RSRC1: variants seen among roughly 807,000 people sequenced by gnomAD.
RSRC1 encodes arginine and serine rich coiled-coil 1.
RSRC1 carries 39 observed loss-of-function variants against 49.1 expected under a neutral mutation model. The ratio of observed to expected loss-of-function variants is 0.79; its 90% CI spans 0.61 to 1.04. The LOEUF (loss-of-function observed/expected upper bound fraction) is 1.04. Among genes scored for constraint, RSRC1 ranks in the 50% least tolerant of loss-of-function variants. RSRC1 has a pLI of 0.00. For missense variants in RSRC1, 388 were observed against 402.4 expected (o/e 0.96, Z 0.31); for synonymous variants, 143 against 130.8 (o/e 1.09, Z -0.63).
intron 5 of RSRC1, among the ~76,000 whole-genome samples, chr3:158,342,732 G>T (rs1243168512): frequency 6.6e-6 from 1 of 152,104 alleles, no homozygotes; most frequent in East Asian, 1.9e-4. Context: ...GGAATAACAA[G>T]AATCAGATTT....
chr3:158,398,801 C>G (rs1733739774), intron 6 of RSRC1, among the ~76,000 whole-genome samples: 3 of 152,034 alleles, frequency 2.0e-5, no homozygotes, highest in Non-Finnish European at 2.9e-5. Flanking sequence ...ACACTGTATC[C>G]TAATCACCTA....
At chr3:158,161,754 C>A (rs1023555094) in intron 3 of RSRC1, among the ~76,000 whole-genome samples, 1 of 152,010 alleles carries the variant, frequency 6.6e-6, no homozygotes, top group African/African-American at 2.4e-5. Flanking sequence ...AAAGTGAGAC[C>A]ATGTCTCAAA....
rs555986806 is a variant in RSRC1, at chr3:158,503,123, C to A, written c.653-33969C>A. Among the ~76,000 whole-genome samples the A allele has an allele frequency of 3.9e-5, 6 of 152,272 alleles. No homozygotes were observed. The South Asian group carries it at 1.2e-3, about 32-fold the overall frequency. The stretch of plus-strand genomic sequence containing the variant: ...CCCCCTTTTTCTATGGACGTGGCTT[C>A]CTGTGAGCCAAGCTGCAGTGATTGT... On this transcript the variant is annotated intron_variant, in intron 7 of 9. Coordinates refer to ENST00000611884, the MANE Select transcript of RSRC1 (RefSeq NM_001271838.2).
intron 3 of RSRC1, among the ~76,000 whole-genome samples, chr3:158,150,308 G>T (rs1223024254): frequency 1.3e-5 from 2 of 152,116 alleles, no homozygotes; most frequent in African/African-American, 4.8e-5. Flanking sequence ...GATTATGTTT[G>T]TTATTTGCCT....
rs936895242 is a variant in RSRC1, at chr3:158,135,294, G to A, written c.320+11303G>A. 1.4e-3 allele frequency among the ~76,000 whole-genome samples: 202 copies of A among 144,214 alleles called. 1 individual carries two copies. Among genetic ancestry groups the A allele is most frequent in the African/African-American group, 5.0e-3 (192 of 38,696 alleles). The allele number at this position is 144,214 out of a possible 152,430, so 94.6% of individuals were successfully genotyped here. ...GTAATTTTTTTTTTTTTTTGAGACA[G>A]AATCTCGCTCTGTCACCTAGGCTAG... is the stretch of plus-strand genomic sequence containing the variant. On this transcript the variant is annotated intron_variant, in intron 3 of 9. Transcript: ENST00000611884.
chr3:158,351,038 C>T (rs142752266), intron 5 of RSRC1, among the ~76,000 whole-genome samples: 1 of 152,082 alleles, frequency 6.6e-6, no homozygotes, highest in Non-Finnish European at 1.5e-5. Flanking sequence ...CTATAGATAG[C>T]AGTCACAATG....
intron 6 of RSRC1, among the ~76,000 whole-genome samples, chr3:158,443,966 A>ACT (rs1255420408): frequency 6.6e-6 from 1 of 152,150 alleles, no homozygotes; most frequent in Non-Finnish European, 1.5e-5. Context: ...CACAGTCAGA[A>ACT]AACACACATA....
chr3:158,157,534 G>A (rs1462667778), intron 3 of RSRC1, among the ~76,000 whole-genome samples: 1 of 152,178 alleles, frequency 6.6e-6, no homozygotes, highest in Non-Finnish European at 1.5e-5. Flanking sequence ...AGTCTTATCA[G>A]AGGGAGAACT....
intron 4 of RSRC1, among the ~76,000 whole-genome samples, chr3:158,239,960 CA>C (rs1371765305): frequency 6.6e-6 from 1 of 151,806 alleles, no homozygotes; most frequent in East Asian, 1.9e-4. Context: ...TTTCAAGTTC[CA>C]AAAAAACAAC....
intron 3 of RSRC1, among the ~76,000 whole-genome samples, chr3:158,157,983 CT>C (rs1033171681): frequency 6.7e-6 from 1 of 149,320 alleles, no homozygotes; most frequent in Non-Finnish European, 1.5e-5. Flanking sequence ...TTTTTTTTAA[CT>C]GTTACTATTT....
intron 7 of RSRC1, among the ~76,000 whole-genome samples, chr3:158,508,521 A>G (rs1739987595): frequency 6.6e-6 from 1 of 151,320 alleles, no homozygotes; most frequent in Non-Finnish European, 1.5e-5. Context: ...TTTTAAATGC[A>G]TATGTAGTCG....
At chr3:158,194,132 C>G (rs1354141581) in intron 3 of RSRC1, among the ~76,000 whole-genome samples, 1 of 151,264 alleles carries the variant, frequency 6.6e-6, no homozygotes, top group Non-Finnish European at 1.5e-5. Context: ...CATGGTGGCA[C>G]AGCTGTAGTC....
At chr3:158,359,676 C>T (rs959223429) in intron 6 of RSRC1, among the ~76,000 whole-genome samples, 5 of 152,164 alleles carry the variant, frequency 3.3e-5, no homozygotes, top group African/African-American at 9.7e-5. Flanking sequence ...TAGGAGCTTC[C>T]AGGTCTGAGC....
At chr3:158,200,599 A>AT (rs1720987616) in intron 3 of RSRC1, among the ~76,000 whole-genome samples, 1 of 151,778 alleles carries the variant, frequency 6.6e-6, no homozygotes, top group African/African-American at 2.4e-5. Context: ...ATTAATGAGT[A>AT]TTTTTAATAA....
chr3:158,195,665 A>G (rs1720558197), intron 3 of RSRC1, among the ~76,000 whole-genome samples: 1 of 152,040 alleles, frequency 6.6e-6, no homozygotes, highest in South Asian at 2.1e-4. Flanking sequence ...ATGTTGAATT[A>G]ATTTTTGTAT....
intron 6 of RSRC1, among the ~76,000 whole-genome samples, chr3:158,369,151 C>T (rs1480255246): frequency 6.6e-6 from 1 of 152,046 alleles, no homozygotes; most frequent in African/African-American, 2.4e-5. Flanking sequence ...TATACATTTT[C>T]ACATATTTTA....
intron 5 of RSRC1, among the ~76,000 whole-genome samples, chr3:158,340,599 A>G (rs764797834): frequency 2.0e-5 from 3 of 152,166 alleles, no homozygotes; most frequent in African/African-American, 2.4e-5. Flanking sequence ...TCCCACCATG[A>G]TTTTGAGGCC....
At chr3:158,488,243 G>A (rs902503545) in intron 7 of RSRC1, among the ~76,000 whole-genome samples, 6 of 152,022 alleles carry the variant, frequency 3.9e-5, no homozygotes, top group Non-Finnish European at 8.8e-5. Flanking sequence ...TGTTATGTCT[G>A]AAGGAACTCT....
intron 7 of RSRC1, among the ~76,000 whole-genome samples, chr3:158,488,440 C>T (rs1042145332): frequency 6.6e-6 from 1 of 152,032 alleles, no homozygotes; most frequent in Non-Finnish European, 1.5e-5. Flanking sequence ...CATTTAATTT[C>T]TCTGTTGTGA....
Sources: gnomAD v4.1 joint callset for allele counts (sites outside exome capture counted in the v4.1 genomes callset) on GRCh38, gnomAD v4.1.1 for gene constraint, MANE v1.5 for transcripts, NCBI Gene and HGNC (gene_info 2026-07-23, HGNC 2026-07-21) for gene names.